The following CSMD1 variants were observed in gnomAD, a reference collection of about 807,000 sequenced individuals.
CSMD1 encodes the protein CUB and Sushi multiple domains 1.
CSMD1 carries 213 observed loss-of-function variants against 417.5 expected under a neutral mutation model. The ratio of observed to expected loss-of-function variants is 0.51; its 90% CI spans 0.46 to 0.57. CSMD1 has a LOEUF of 0.57. CSMD1 is among the 20% of genes least tolerant of loss of function. CSMD1 has a pLI of 0.00. For synonymous variants in CSMD1, 2,862 were observed against 1,736.8 expected, an observed-to-expected ratio of 1.65 and a Z score of -16.11; for missense variants, 6,923 against 4,529.7, an observed-to-expected ratio of 1.53 and a Z score of -15.17.
At chr8:4,563,282 T>A (rs1375701015) in intron 2 of CSMD1, among the ~76,000 whole-genome samples, 1 of 152,110 alleles carries the variant, frequency 6.6e-6, no homozygotes, top group African/African-American at 2.4e-5. Flanking sequence ...GCACCTGTAG[T>A]CCCAGCTACT....
intron 3 of CSMD1, among the ~76,000 whole-genome samples, chr8:4,124,658 T>C (rs1802663832): frequency 6.6e-6 from 1 of 152,208 alleles, no homozygotes; most frequent in Non-Finnish European, 1.5e-5. Context: ...AGTGAGGGAC[T>C]AAGTGGCTAA....
At chr8:3,032,438 G>A (rs1161843358) in intron 50 of CSMD1, among the ~76,000 whole-genome samples, 2 of 151,950 alleles carry the variant, frequency 1.3e-5, no homozygotes, top group Non-Finnish European at 2.9e-5. Context: ...CAGCCCCCAC[G>A]GAATGGTGGG....
chr8:3,197,706 C>T (rs55827946), intron 33 of CSMD1, among the ~76,000 whole-genome samples: 203 of 152,042 alleles, frequency 1.3e-3, no homozygotes, highest in Non-Finnish European at 2.6e-3. Flanking sequence ...CCTCGTGATC[C>T]GCCCGCCTCG....
intron 2 of CSMD1, among the ~76,000 whole-genome samples, chr8:4,483,603 C>G (rs1328948467): frequency 6.6e-6 from 1 of 152,142 alleles, no homozygotes; most frequent in Non-Finnish European, 1.5e-5. Context: ...TCAATACAAG[C>G]ATAGGTGCAG....
rs185216142 is a variant in CSMD1, at chr8:4,771,933, C to T, written c.86-134375G>A. 2.1e-3 allele frequency among the ~76,000 whole-genome samples: 316 copies of T among 152,290 alleles called. 2 individuals are homozygous for T. Among genetic ancestry groups the T allele is most frequent in the African/African-American group, 7.3e-3 (302 of 41,560 alleles). On this transcript the variant is annotated intron_variant, in intron 1 of 69. Coordinates refer to ENST00000635120, the MANE Select transcript of CSMD1 (RefSeq NM_033225.6). The stretch of plus-strand genomic sequence containing the variant: ...CCCTCGGCTGCTACTCTAGCCCATC[C>T]CGGGGATCTCGTGATAATTCCTGCA...
chr8:4,650,766 G>A (rs1585393750), intron 1 of CSMD1, among the ~76,000 whole-genome samples: 1 of 151,980 alleles, frequency 6.6e-6, no homozygotes, highest in South Asian at 2.1e-4. Context: ...ATTTAAGCAT[G>A]GTTATTCAGT....
intron 5 of CSMD1, among the ~76,000 whole-genome samples, chr8:3,813,884 T>A (rs970840995): frequency 2.6e-5 from 4 of 152,184 alleles, no homozygotes; most frequent in Non-Finnish European, 4.4e-5. Flanking sequence ...GAGAAAGTGA[T>A]CGCTTTTCCT....
At chr8:4,106,283 G>C (rs1173882614) in intron 3 of CSMD1, among the ~76,000 whole-genome samples, 1 of 152,170 alleles carries the variant, frequency 6.6e-6, no homozygotes, top group African/African-American at 2.4e-5. Flanking sequence ...GTGTTTCTGT[G>C]GGTGGGAAAA....
intron 10 of CSMD1, among the ~76,000 whole-genome samples, chr8:3,498,185 C>G (rs940180254): frequency 6.6e-6 from 1 of 152,068 alleles, no homozygotes; most frequent in Non-Finnish European, 1.5e-5. Context: ...CTGGGAGCTT[C>G]TTGCTTATAT....
At chr8:4,292,653 C>T (rs1043145949) in intron 3 of CSMD1, among the ~76,000 whole-genome samples, 2 of 152,122 alleles carry the variant, frequency 1.3e-5, no homozygotes, top group African/African-American at 4.8e-5. Flanking sequence ...GCATCATCAA[C>T]ATGTTTCTAT....
chr8:4,165,694 C>A (rs1584942981), intron 3 of CSMD1, among the ~76,000 whole-genome samples: 1 of 152,222 alleles, frequency 6.6e-6, no homozygotes. Flanking sequence ...TGACCCATCA[C>A]ACCCGGCCCA....
intron 1 of CSMD1, among the ~76,000 whole-genome samples, chr8:4,803,305 T>C (rs538394536): frequency 5.0e-4 from 76 of 152,332 alleles, no homozygotes; most frequent in African/African-American, 1.7e-3. Flanking sequence ...TTCCCTTTAG[T>C]GTTCAGTGAA....
intron 4 of CSMD1, among the ~76,000 whole-genome samples, chr8:4,023,631 G>C (rs753395907): frequency 6.7e-6 from 1 of 148,586 alleles, no homozygotes; most frequent in Non-Finnish European, 1.5e-5. Flanking sequence ...CTGTCGCCCA[G>C]GCTAGAGTGC....
Position 3,896,166 on chromosome 8 carries a change from G to C in CSMD1, c.818+101737C>G, listed in dbSNP as rs1219897673. On this transcript the variant is annotated intron_variant, in intron 5 of 69. Coordinates refer to ENST00000635120, the MANE Select transcript of CSMD1 (RefSeq NM_033225.6). ...TTGATTCAGTCAATGTAATGATTAA[G>C]ACACAACAAAAACATGATCTAGAGC... Among the ~76,000 whole-genome samples, 5 of 152,236 alleles carry C rather than the reference G, an allele frequency of 3.3e-5. No homozygotes were observed. In the East Asian group the frequency reaches 9.7e-4, roughly 29 times the overall value.
Position 4,451,381 on chromosome 8 carries a change from A to C in CSMD1, c.303-31316T>G, listed in dbSNP as rs1034764335. Among the ~76,000 whole-genome samples, 5 of 152,268 alleles carry C rather than the reference A, an allele frequency of 3.3e-5. No individual in the cohort carries two copies. The Middle Eastern group carries it at 0.017, about 518-fold the overall frequency. On this transcript the variant is annotated intron_variant, in intron 2 of 69. Coordinates refer to ENST00000635120, the MANE Select transcript of CSMD1 (RefSeq NM_033225.6). ...ATAAGGCAATCACAAGTGTTTATGG[A>C]AGATAATTATTGAACATGTGCTATG...
At chr8:4,145,694 C>A (rs1519177) in intron 3 of CSMD1, among the ~76,000 whole-genome samples, 1 of 150,652 alleles carries the variant, frequency 6.6e-6, no homozygotes, top group East Asian at 1.9e-4. Flanking sequence ...TGGCCACATT[C>A]CGCATTTCTT....
intron 1 of CSMD1, among the ~76,000 whole-genome samples, chr8:4,930,063 G>T (rs528017070): frequency 3.3e-5 from 5 of 151,998 alleles, no homozygotes; most frequent in South Asian, 4.2e-4. Flanking sequence ...AACCCCACAG[G>T]GCCAAGGAAA....
At chr8:4,520,098 G>A (rs980684846) in intron 2 of CSMD1, among the ~76,000 whole-genome samples, 1 of 152,086 alleles carries the variant, frequency 6.6e-6, no homozygotes, top group Non-Finnish European at 1.5e-5. Flanking sequence ...ATTTAGTCAT[G>A]ATGTTCTGGT....
intron 4 of CSMD1, among the ~76,000 whole-genome samples, chr8:4,027,333 G>C (rs60144934): frequency 1.3e-5 from 2 of 152,146 alleles, no homozygotes; most frequent in African/African-American, 4.8e-5. Flanking sequence ...TGCTTTGGCT[G>C]TGTCCTCACC....
Sources: gnomAD v4.1 joint callset for allele counts (sites outside exome capture counted in the v4.1 genomes callset) on GRCh38, gnomAD v4.1.1 for gene constraint, MANE v1.5 for transcripts, NCBI Gene and HGNC (gene_info 2026-07-23, HGNC 2026-07-21) for gene names.